Variants in UNC80 observed in about 807,000 individuals in gnomAD.
UNC80 encodes unc-80 subunit of NALCN channel complex.
In UNC80, 164 loss-of-function variants were observed where a neutral mutation model predicts 384.6. The ratio of observed to expected loss-of-function variants is 0.43; its 90% confidence interval spans 0.38 to 0.49. The LOEUF (loss-of-function observed/expected upper bound fraction) is 0.49. UNC80 is among the 20% of genes least tolerant of loss of function. The pLI, the probability that UNC80 is intolerant of heterozygous loss-of-function variation, is 0.00. For missense variants in UNC80, 3,330 were observed against 4,143.0 expected, an observed-to-expected ratio of 0.80 and a Z score of 5.39; for synonymous variants, 1,486 against 1,527.8, an observed-to-expected ratio of 0.97 and a Z score of 0.64.
In UNC80 at chr2:209,776,022, T is replaced by C; in HGVS notation, c.275T>C (p.Leu92Pro). Residue 92 changes from leucine to proline, a missense_variant, in exon 3 of 65, where the codon CTG (leucine) becomes CCG (proline). By Grantham distance (98) the Leu-to-Pro change is moderately conservative. Transcript: ENST00000673920. Reference sequence around the variant, plus strand: ...CATGTCCTCCACTGCACTGCAACCCTGCTTTCAAACCGAAACAAGCTAGGT... The same window carrying C: ...CATGTCCTCCACTGCACTGCAACCCCGCTTTCAAACCGAAACAAGCTAGGT... ...LPHVLHCTAT[L>P]LSNRNKLGHQ... is the part of the protein sequence containing the mutation. 6.2e-7 allele frequency: 1 copy of C among 1,614,104 alleles called. No homozygotes were observed. Among genetic ancestry groups the C allele is most frequent in the Non-Finnish European group, 8.5e-7 (1 of 1,179,974 alleles).
intron 29 of UNC80, among the ~76,000 whole-genome samples, chr2:209,909,698 A>C (rs1201134836): frequency 1.3e-5 from 2 of 152,182 alleles, no homozygotes; most frequent in East Asian, 3.9e-4. Context: ...TTGGTTTTGC[A>C]TTGGTAATCT....
intron 13 of UNC80, among the ~76,000 whole-genome samples, chr2:209,825,436 A>G (rs1374601682): frequency 1.3e-5 from 2 of 152,170 alleles, no homozygotes; most frequent in African/African-American, 4.8e-5. Context: ...TTAGAAATAA[A>G]AGCCCTCAAA....
Position 209,992,267 on chromosome 2 carries a change from G to T in UNC80, c.9396+20G>T. 1 of 1,546,234 alleles carries T rather than the reference G, an allele frequency of 6.5e-7. No homozygotes were observed. Among genetic ancestry groups the T allele is most frequent in the Non-Finnish European group, 8.7e-7 (1 of 1,143,202 alleles). On this transcript the variant is annotated intron_variant, in intron 62 of 64. Transcript: ENST00000673920. ...AGGCAGGTAAGTAGACCCTTAAAGC[G>T]CAAGAGAACCATCCTACGAATTGGA...
chr2:209,990,277 T>G (rs1177471318), intron 61 of UNC80, among the ~76,000 whole-genome samples: 2 of 152,200 alleles, frequency 1.3e-5, no homozygotes, highest in African/African-American at 4.8e-5. Context: ...TCAATTTCAT[T>G]TTCTCTGCCC....
intron 28 of UNC80, among the ~76,000 whole-genome samples, chr2:209,897,363 T>G (rs934554981): frequency 6.6e-6 from 1 of 152,206 alleles, no homozygotes; most frequent in Non-Finnish European, 1.5e-5. Context: ...CGGTAACCAC[T>G]GTTCTACCTT....
intron 18 of UNC80, among the ~76,000 whole-genome samples, chr2:209,837,095 G>A (rs1194027726): frequency 6.6e-6 from 1 of 151,508 alleles, no homozygotes; most frequent in Admixed American, 6.6e-5. Flanking sequence ...TTGGTAAACA[G>A]AATACCCTAT....
intron 22 of UNC80, among the ~76,000 whole-genome samples, chr2:209,862,362 A>C (rs2083404052): frequency 6.6e-6 from 1 of 152,168 alleles, no homozygotes; most frequent in Non-Finnish European, 1.5e-5. Context: ...GCTGAGTTCA[A>C]GTCCTGAATA....
chr2:209,918,081 A>G lies in UNC80; in HGVS notation c.5211+123A>G, dbSNP rs952154582. On this transcript the variant is annotated intron_variant, in intron 32 of 64. Coordinates refer to ENST00000673920, the MANE Select transcript of UNC80 (RefSeq NM_001371986.1). ...ATTCTTCTTTTTTCTCTCTGATCAT[A>G]TAAGTAAACCTAACATACATGAATG... is the stretch of plus-strand genomic sequence containing the variant. The G allele has an allele frequency of 3.2e-5, 30 of 936,732 alleles. No homozygotes were observed. In the South Asian group the frequency reaches 4.0e-4, roughly 13 times the overall value. 58.0% of individuals were successfully genotyped at this position (936,732 alleles called of 1,614,324 possible). A position where few individuals can be genotyped will look rare whatever the true frequency, so the allele number is the denominator to read the frequency against.
chr2:209,938,851 T>C (rs2091434597), intron 42 of UNC80, among the ~76,000 whole-genome samples: 1 of 152,132 alleles, frequency 6.6e-6, no homozygotes, highest in African/African-American at 2.4e-5. Context: ...AGGGAGATTA[T>C]AACATGGAGG....
At chr2:209,832,503 G>A (rs1183111947) in intron 16 of UNC80, among the ~76,000 whole-genome samples, 3 of 152,114 alleles carry the variant, frequency 2.0e-5, no homozygotes, top group Non-Finnish European at 4.4e-5. Context: ...ATTTGCACAT[G>A]TGGACCCTAT....
intron 13 of UNC80, 114 bp downstream of exon 13, chr2:209,820,793 A>T (rs1574593540): frequency 8.3e-7 from 1 of 1,199,132 alleles, no homozygotes; most frequent in East Asian, 2.6e-5. Context: ...TAGAGCAAAA[A>T]AGTGGAGAGT....
At position 209,945,853 on chromosome 2, in the gene UNC80, G is replaced by T. The variant is rs1559374651; in HGVS notation, c.7196G>T (p.Cys2399Phe). ...TTACTTTTTGTTCCTTCAGATTTCT[G>T]CTATGGAAACGAAGATCTGACATTT... is the stretch of plus-strand genomic sequence containing the variant. ...AEKPLKSLDFCYGNEDLTFSI... is the reference protein window; with the variant it reads ...AEKPLKSLDFFYGNEDLTFSI... Residue 2399 changes from cysteine (C) to phenylalanine (F), a missense_variant, in exon 47 of 65, where the codon TGC (cysteine) becomes TTC (phenylalanine). Coordinates refer to ENST00000673920, the MANE Select transcript of UNC80 (RefSeq NM_001371986.1). The T allele has an allele frequency of 6.4e-7, 1 of 1,551,440 alleles. No individual in the cohort carries two copies. Among genetic ancestry groups the T allele is most frequent in the Admixed American group, 2.0e-5 (1 of 50,984 alleles).
At position 209,967,487 on chromosome 2, in the gene UNC80, A is replaced by T. The variant is rs918114184; in HGVS notation, c.7856A>T (p.Gln2619Leu). ...SLLKLAPYDT[Q>L]TMESRGLRRY... The stretch of plus-strand genomic sequence containing the variant: ...CTGAAGCTGGCACCATATGACACTC[A>T]GACAATGGAGAGTCGTGGGCTTCGG... The change falls in exon 52 of 65, where the codon CAG becomes CTG. Residue 2619 changes from glutamine to leucine, a missense_variant. Transcript: ENST00000673920. The T allele has an allele frequency of 6.4e-7, 1 of 1,551,628 alleles. No homozygotes were observed. The highest frequency in any genetic ancestry group is 2.0e-5 in the Admixed American group (1 of 51,002).
intron 22 of UNC80, among the ~76,000 whole-genome samples, chr2:209,870,599 A>G (rs530794402): frequency 2.0e-5 from 3 of 152,178 alleles, no homozygotes; most frequent in African/African-American, 7.2e-5. Context: ...TTCATCTTGC[A>G]TTCTGTCTTT....
chr2:209,995,753 G>C lies in UNC80; in HGVS notation c.*158G>C. The stretch of plus-strand genomic sequence containing the variant: ...AATAGGTTTTGCTGCCAATACACAT[G>C]ATGTTTCATAAACATCTTAAAAGTC... On this transcript the variant is annotated 3_prime_UTR_variant, in exon 65 of 65. Transcript: ENST00000673920. The C allele has an allele frequency of 1.2e-6, 1 of 810,092 alleles. No individual in the cohort carries two copies. The highest frequency in any genetic ancestry group is 1.9e-6 in the Non-Finnish European group (1 of 529,734). 50.2% of individuals were successfully genotyped at this position (810,092 alleles called of 1,614,324 possible). A position where few individuals can be genotyped will look rare whatever the true frequency, so the allele number is the denominator to read the frequency against.
chr2:209,842,032 A>G (rs971060099), intron 20 of UNC80, among the ~76,000 whole-genome samples: 2 of 152,220 alleles, frequency 1.3e-5, no homozygotes, highest in Admixed American at 6.5e-5. Flanking sequence ...AAGAATGACT[A>G]TGTCTCGCTA....
intron 21 of UNC80, among the ~76,000 whole-genome samples, chr2:209,843,770 GATTA>G (rs2124825408): frequency 6.6e-6 from 1 of 152,204 alleles, no homozygotes; most frequent in East Asian, 1.9e-4. Context: ...ACTTGACTTT[GATTA>G]ATTAATAATT....
chr2:209,844,395 C>CTCCT (rs2081980699), intron 21 of UNC80, among the ~76,000 whole-genome samples: 1 of 145,356 alleles, frequency 6.9e-6, no homozygotes, highest in Admixed American at 6.9e-5. Context: ...CTTCTCTTCT[C>CTCCT]TCCTTCCTTC....
At position 209,876,278 on chromosome 2, in the gene UNC80, G is replaced by A. The variant is rs558352464; in HGVS notation, c.3841-1676G>A. Among the ~76,000 whole-genome samples, 23 of 152,160 alleles carry A rather than the reference G, an allele frequency of 1.5e-4. No individual in the cohort carries two copies. In the South Asian group the frequency reaches 4.8e-3, roughly 32 times the overall value. On this transcript the variant is annotated intron_variant, in intron 23 of 64. Coordinates refer to ENST00000673920, the MANE Select transcript of UNC80 (RefSeq NM_001371986.1). ...CCAAACAGTAATCTTTCTTATGTGG[G>A]CTTATAATCTACCAAGGCACATTAA...
Sources: allele counts gnomAD v4.1 joint callset (sites outside exome capture counted in the v4.1 genomes callset), GRCh38; gene constraint gnomAD v4.1.1; transcripts MANE v1.5; gene names NCBI Gene and HGNC (gene_info 2026-07-23, HGNC 2026-07-21).